Variants in DHRSX observed in about 807,000 individuals in gnomAD.
DHRSX encodes polyprenol dehydrogenase.
In DHRSX, 31 loss-of-function variants were observed where a neutral mutation model predicts 34.0. That is an observed-to-expected ratio of 0.91 (90% CI 0.69 to 1.23). The LOEUF is 1.23. Among genes scored for constraint, DHRSX ranks in the 50% most tolerant of loss-of-function variants. DHRSX has a pLI of 0.00. For synonymous variants in DHRSX, 201 were observed against 183.8 expected, an observed-to-expected ratio of 1.09 and a Z score of -0.76; for missense variants, 414 against 428.1, an observed-to-expected ratio of 0.97 and a Z score of 0.29.
rs142903675 is a variant in DHRSX, at chrX:2,296,487, T to C, written c.287-4884A>G. 4.3e-4 allele frequency among the ~76,000 whole-genome samples: 64 copies of C among 150,374 alleles called. No individual in the cohort carries two copies. The East Asian group carries it at 0.012, about 27-fold the overall frequency. ...CAGACAGGAATAGGACCCAGGCAGA[T>C]AGGAATAGGACCCAGGCAGATAGAC... On this transcript the variant is annotated intron_variant, in intron 3 of 6. Transcript: ENST00000334651.
intron 1 of DHRSX, among the ~76,000 whole-genome samples, chrX:2,483,502 C>G (rs1345949295): frequency 6.6e-6 from 1 of 152,060 alleles, no homozygotes; most frequent in Non-Finnish European, 1.5e-5. Context: ...CTCCTGGGCT[C>G]AAGCGATCCG....
intron 5 of DHRSX, among the ~76,000 whole-genome samples, chrX:2,256,621 A>T (rs1182985459): frequency 6.6e-6 from 1 of 152,154 alleles, no homozygotes; most frequent in Non-Finnish European, 1.5e-5. Context: ...TTGAGGAGAC[A>T]TGTTCTCTCA....
chrX:2,244,846 G>A (rs1000890041), intron 5 of DHRSX, among the ~76,000 whole-genome samples: 1 of 151,846 alleles, frequency 6.6e-6, no homozygotes, highest in African/African-American at 2.4e-5. Flanking sequence ...CAAGTAGCTG[G>A]GACTATAGGC....
intron 3 of DHRSX, among the ~76,000 whole-genome samples, chrX:2,319,755 C>T (rs1215239171): frequency 6.6e-6 from 1 of 151,948 alleles, no homozygotes; most frequent in African/African-American, 2.4e-5. Context: ...TTGGGGGAGT[C>T]AGAACCTATA....
At chrX:2,335,427 G>C (rs1259530623) in intron 3 of DHRSX, among the ~76,000 whole-genome samples, 1 of 149,940 alleles carries the variant, frequency 6.7e-6, no homozygotes, top group Non-Finnish European at 1.5e-5. Flanking sequence ...AGAGACAAAT[G>C]GTTGCATTCA....
At chrX:2,306,090 T>G (rs1253892028) in intron 3 of DHRSX, among the ~76,000 whole-genome samples, 1 of 152,092 alleles carries the variant, frequency 6.6e-6, no homozygotes, top group Non-Finnish European at 1.5e-5. Flanking sequence ...TGTACAATCC[T>G]GCATATGTAC....
At chrX:2,440,532 T>C (rs2044049646) in intron 1 of DHRSX, among the ~76,000 whole-genome samples, 1 of 150,008 alleles carries the variant, frequency 6.7e-6, no homozygotes, top group Admixed American at 6.6e-5. Flanking sequence ...TTTTCTTTCT[T>C]TCTTTTTTTT....
At chrX:2,346,917 G>C (rs756679542) in intron 3 of DHRSX, among the ~76,000 whole-genome samples, 44 of 152,056 alleles carry the variant, frequency 2.9e-4, no homozygotes, top group Non-Finnish European at 5.3e-4. Flanking sequence ...TTCTGTCCTT[G>C]TGATAGTTTG....
chrX:2,309,551 AGTGT>A (rs1329093779), intron 3 of DHRSX, among the ~76,000 whole-genome samples: 1 of 152,192 alleles, frequency 6.6e-6, no homozygotes, highest in Non-Finnish European at 1.5e-5. Context: ...AAATGTGATA[AGTGT>A]GTCCATAACC....
intron 3 of DHRSX, among the ~76,000 whole-genome samples, chrX:2,404,482 G>A (rs1057053209): frequency 6.6e-6 from 1 of 152,102 alleles, no homozygotes; most frequent in Non-Finnish European, 1.5e-5. Flanking sequence ...TCTCCCTGAG[G>A]AAGAGAAAGA....
chrX:2,333,167 T>C (rs886755243), intron 3 of DHRSX, among the ~76,000 whole-genome samples: 5 of 152,248 alleles, frequency 3.3e-5, no homozygotes, highest in African/African-American at 1.2e-4. Context: ...TATTTCATGA[T>C]TTGAAAAGTG....
intron 3 of DHRSX, among the ~76,000 whole-genome samples, chrX:2,312,573 G>T (rs963442424): frequency 1.3e-5 from 2 of 151,946 alleles, no homozygotes; most frequent in Non-Finnish European, 2.9e-5. Context: ...GGGGTCTTTC[G>T]GGGACTGGGG....
intron 3 of DHRSX, among the ~76,000 whole-genome samples, chrX:2,313,238 C>T (rs974908210): frequency 4.6e-5 from 7 of 151,602 alleles, no homozygotes; most frequent in Non-Finnish European, 1.5e-5. Context: ...TACTAGTAGA[C>T]CTCAGGTGAT....
chrX:2,320,106 GT>G (rs1256535069), intron 3 of DHRSX, among the ~76,000 whole-genome samples: 2 of 151,918 alleles, frequency 1.3e-5, no homozygotes, highest in African/African-American at 4.8e-5. Context: ...TGGGATGACA[GT>G]TGTGAGCCAC....
chrX:2,360,363 T>C (rs1214425503), intron 3 of DHRSX, among the ~76,000 whole-genome samples: 1 of 152,150 alleles, frequency 6.6e-6, no homozygotes, highest in African/African-American at 2.4e-5. Context: ...GGTGGGCGGA[T>C]CACGAGGGCA....
At chrX:2,457,451 C>A (rs1186112382) in intron 1 of DHRSX, among the ~76,000 whole-genome samples, 1 of 150,596 alleles carries the variant, frequency 6.6e-6, no homozygotes, top group Non-Finnish European at 1.5e-5. Context: ...GGCTAAGGGA[C>A]TGCTACCATT....
chrX:2,331,884 T>A lies in DHRSX; in HGVS notation c.287-40281A>T, dbSNP rs746276624. ...ATCACTGTTGTCTATTTTAAGAAATTGCCAAAGCACCCTCTACCCTCAGCA... is the reference window on the plus strand; with the variant it reads ...ATCACTGTTGTCTATTTTAAGAAATAGCCAAAGCACCCTCTACCCTCAGCA... On this transcript the variant is annotated intron_variant, in intron 3 of 6. Coordinates refer to ENST00000334651, the MANE Select transcript of DHRSX (RefSeq NM_145177.3). 3.9e-5 allele frequency among the ~76,000 whole-genome samples: 6 copies of A among 152,208 alleles called. No homozygotes were observed. The East Asian group carries it at 1.2e-3, about 29-fold the overall frequency.
At chrX:2,240,018 C>T (rs764040307) in intron 6 of DHRSX, among the ~76,000 whole-genome samples, 11 of 151,812 alleles carry the variant, frequency 7.2e-5, no homozygotes, top group African/African-American at 2.7e-4. Flanking sequence ...TACAGCTGGG[C>T]GCGGTGGCTC....
At chrX:2,432,314 A>T (rs1234589167) in intron 1 of DHRSX, among the ~76,000 whole-genome samples, 1 of 152,226 alleles carries the variant, frequency 6.6e-6, no homozygotes. Context: ...ATTTGATGTG[A>T]TCCAATAAAG....
Sources: allele counts gnomAD v4.1 joint callset (sites outside exome capture counted in the v4.1 genomes callset), GRCh38; gene constraint gnomAD v4.1.1; transcripts MANE v1.5; gene names NCBI Gene and HGNC (gene_info 2026-07-23, HGNC 2026-07-21).